Variants in APCDD1L observed in about 807,000 individuals in gnomAD.
APCDD1L encodes the protein APC down-regulated 1 like, also known as protein APCDD1-like.
In APCDD1L, 21 loss-of-function variants were observed where a neutral mutation model predicts 24.2. That is an observed-to-expected ratio of 0.87 (90% confidence interval 0.61 to 1.25). The LOEUF is 1.25. Ranked by LOEUF, APCDD1L falls within the 50% of genes most tolerant of loss-of-function variation. The pLI, the probability that APCDD1L is intolerant of heterozygous loss-of-function variation, is 0.00. For missense variants in APCDD1L, 704 were observed against 711.7 expected (o/e 0.99, Z 0.12); for synonymous variants, 321 against 323.6 (o/e 0.99, Z 0.09).
chr20:58,489,927 A>AAATTACAC (rs1167539420), intron 1 of APCDD1L, among the ~76,000 whole-genome samples: 1 of 152,308 alleles, frequency 6.6e-6, no homozygotes, highest in East Asian at 1.9e-4. Context: ...AATTAACAAT[A>AAATTACAC]AATTACACAT....
intron 1 of APCDD1L, among the ~76,000 whole-genome samples, 184 bp from the exon 2 acceptor site, chr20:58,470,931 C>T (rs1181430422): frequency 6.6e-6 from 1 of 152,136 alleles, no homozygotes; most frequent in Admixed American, 6.5e-5. Flanking sequence ...ATTGAGGATC[C>T]TAGAATCAGC....
intron 1 of APCDD1L, among the ~76,000 whole-genome samples, chr20:58,505,941 C>T (rs971165331): frequency 6.6e-6 from 1 of 152,134 alleles, no homozygotes; most frequent in African/African-American, 2.4e-5. Context: ...CAGGGAATGC[C>T]AAGGACTGCT....
intron 1 of APCDD1L, among the ~76,000 whole-genome samples, chr20:58,513,662 C>A (rs1017354293): frequency 2.0e-5 from 3 of 152,168 alleles, no homozygotes; most frequent in African/African-American, 7.2e-5. Flanking sequence ...GCTGCCATTC[C>A]CTGAACATGA....
intron 1 of APCDD1L, among the ~76,000 whole-genome samples, chr20:58,480,865 A>G (rs1465768168): frequency 6.6e-6 from 1 of 152,222 alleles, no homozygotes; most frequent in Admixed American, 6.5e-5. Context: ...GGAACATCCC[A>G]GCCACAGGCC....
intron 1 of APCDD1L, among the ~76,000 whole-genome samples, chr20:58,502,631 C>G (rs1454888332): frequency 6.7e-6 from 1 of 149,782 alleles, no homozygotes; most frequent in East Asian, 2.0e-4. Flanking sequence ...ACGTTATCTA[C>G]AAACATAGTA....
chr20:58,478,909 AGATT>A (rs1989969109), intron 1 of APCDD1L, among the ~76,000 whole-genome samples: 1 of 151,942 alleles, frequency 6.6e-6, no homozygotes. Context: ...AGGTGAAGGG[AGATT>A]GGTGTGTGAG....
At position 58,460,729 on chromosome 20, in the gene APCDD1L, G is replaced by C; in HGVS notation, c.*61C>G. Reference sequence around the variant, plus strand: ...AATGGTTCCTTCCCTACAGCTGCCAGGAGGGAGTCTGAAGGGTTGAATGGG... The same window carrying C: ...AATGGTTCCTTCCCTACAGCTGCCACGAGGGAGTCTGAAGGGTTGAATGGG... On this transcript the variant is annotated 3_prime_UTR_variant, in exon 4 of 4. Transcript: ENST00000371149. The surrounding 1 kb of genome is among the most constrained non-coding windows in gnomAD (Gnocchi z 4.2). 14 of 1,485,832 alleles carry C rather than the reference G, an allele frequency of 9.4e-6. No individual in the cohort carries two copies. The South Asian group carries it at 2.0e-4, about 21-fold the overall frequency. 92.0% of individuals were successfully genotyped at this position (1,485,832 alleles called of 1,614,324 possible).
At position 58,459,643 on chromosome 20, in the gene APCDD1L, G is replaced by C. The variant is rs1989558061; in HGVS notation, c.*1147C>G. ...CTGGGAACATGGGCAGAGTCCCTGG[G>C]GAGGCACAGCCTGTTCCCACCATGA... On this transcript the variant is annotated 3_prime_UTR_variant, in exon 4 of 4. Transcript: ENST00000371149. 1 of 152,790 alleles carries C rather than the reference G, an allele frequency of 6.5e-6. No homozygotes were observed. The highest frequency in any genetic ancestry group is 2.4e-5 in the African/African-American group (1 of 41,454). The allele number at this position is 152,790 out of a possible 1,614,324, so 9.5% of individuals were successfully genotyped here.
intron 3 of APCDD1L, 122 bp downstream of exon 3, chr20:58,466,984 T>C: frequency 3.2e-6 from 4 of 1,268,622 alleles, no homozygotes; most frequent in Non-Finnish European, 4.2e-6. Flanking sequence ...GGGGCAGTGA[T>C]GACAGCCGGG....
At chr20:58,470,537 T>C (rs1051706275) in intron 2 of APCDD1L, 72 bp downstream of exon 2, 4 of 1,484,292 alleles carry the variant, frequency 2.7e-6, no homozygotes, top group South Asian at 2.7e-5. Flanking sequence ...ATTTCAAAGA[T>C]TGGATGCCGA....
At chr20:58,470,919 A>G (rs1989800618) in intron 1 of APCDD1L, among the ~76,000 whole-genome samples, 172 bp from the exon 2 acceptor site, 2 of 152,038 alleles carry the variant, frequency 1.3e-5, no homozygotes, top group African/African-American at 4.8e-5. Flanking sequence ...TGGGTTCCCC[A>G]TATTGAGGAT....
At chr20:58,492,437 C>T (rs561255012) in intron 1 of APCDD1L, among the ~76,000 whole-genome samples, 3 of 152,252 alleles carry the variant, frequency 2.0e-5, no homozygotes, top group African/African-American at 4.8e-5. Context: ...TATATAGAGA[C>T]GTCAAATGCA....
At position 58,461,659 on chromosome 20, in the gene APCDD1L, G is replaced by A. The variant is rs903069263; in HGVS notation, c.742-105C>T. On this transcript the variant is annotated intron_variant, in intron 3 of 3. Transcript: ENST00000371149. This position sits in a 1 kb window ranked among gnomAD's most constrained non-coding sequence, Gnocchi z 6.0. Reference sequence around the variant, plus strand: ...TGTAGGGGTGTCAAGGCAGGGTGAGGTGCGGCCTGTCCCTCCCTCCTCTCT... The same window carrying A: ...TGTAGGGGTGTCAAGGCAGGGTGAGATGCGGCCTGTCCCTCCCTCCTCTCT... The A allele has an allele frequency of 2.5e-6, 3 of 1,193,434 alleles. No homozygotes were observed. The African/African-American group carries it at 4.6e-5, about 18-fold the overall frequency. The allele number at this position is 1,193,434 out of a possible 1,614,324, so 73.9% of individuals were successfully genotyped here. A position where few individuals can be genotyped will look rare whatever the true frequency, so the allele number is the denominator to read the frequency against.
At position 58,461,236 on chromosome 20, in the gene APCDD1L, C is replaced by G; in HGVS notation, c.1060G>C (p.Glu354Gln). The change falls in exon 4 of 4, where the codon GAG becomes CAG. Residue 354 changes from glutamate to glutamine, a missense_variant. Glu to Gln is a conservative substitution (Grantham distance 29). Transcript: ENST00000371149. The surrounding 1 kb of genome is among the most constrained non-coding windows in gnomAD (Gnocchi z 6.0). Reference sequence around the variant, plus strand: ...GGGGTCACATGGGCCCGTGTGACCTCAAACACCAGCTCGGTGCCGCCGCGG... The same window carrying G: ...GGGGTCACATGGGCCCGTGTGACCTGAAACACCAGCTCGGTGCCGCCGCGG... Reference protein sequence around the residue: ...RVRGGTELVFEVTRAHVTPMD... With the variant: ...RVRGGTELVFQVTRAHVTPMD... 1 of 1,613,568 alleles carries G rather than the reference C, an allele frequency of 6.2e-7. No homozygotes were observed. The highest frequency in any genetic ancestry group is 8.5e-7 in the Non-Finnish European group (1 of 1,179,856).
chr20:58,501,404 C>T (rs1484831012), intron 1 of APCDD1L, among the ~76,000 whole-genome samples: 1 of 152,114 alleles, frequency 6.6e-6, no homozygotes, highest in Non-Finnish European at 1.5e-5. Context: ...GAAATTTGGA[C>T]ACACGGAGAG....
At chr20:58,491,356 A>G (rs1010762754) in intron 1 of APCDD1L, among the ~76,000 whole-genome samples, 4 of 152,196 alleles carry the variant, frequency 2.6e-5, no homozygotes, top group Admixed American at 2.0e-4. Context: ...CTATGTAAAA[A>G]CTCAAAATCT....
In APCDD1L at chr20:58,461,413, C is replaced by G; in HGVS notation, c.883G>C (p.Val295Leu). The part of the protein sequence containing the change: ...VSSGCEVRPA[V>L]LFLTRLFTFH... Reference sequence around the variant, plus strand: ...GTGAAGAGCCGGGTGAGGAACAGGACTGCTGGGCGCACCTCGCACCCCGAG... The same window carrying G: ...GTGAAGAGCCGGGTGAGGAACAGGAGTGCTGGGCGCACCTCGCACCCCGAG... The change falls in exon 4 of 4, where the codon GTC becomes CTC. Residue 295 changes from valine to leucine, a missense_variant. By Grantham distance (32) the Val-to-Leu change is conservative. Transcript: ENST00000371149. This position sits in a 1 kb window ranked among gnomAD's most constrained non-coding sequence, Gnocchi z 6.0. 6.5e-7 allele frequency: 1 copy of G among 1,541,188 alleles called. No individual in the cohort carries two copies. The highest frequency in any genetic ancestry group is 8.8e-7 in the Non-Finnish European group (1 of 1,139,838).
intron 1 of APCDD1L, 108 bp from the exon 2 acceptor site, chr20:58,470,855 C>T (rs771281562): frequency 1.5e-4 from 216 of 1,418,282 alleles, no homozygotes; most frequent in Non-Finnish European, 1.8e-4. Context: ...AGGGCTGTCC[C>T]GCAACCTCCA....
chr20:58,487,654 G>A (rs1295302350), intron 1 of APCDD1L, among the ~76,000 whole-genome samples: 1 of 152,106 alleles, frequency 6.6e-6, no homozygotes, highest in Non-Finnish European at 1.5e-5. Context: ...CTAAGTAAAA[G>A]GAAACTGGGT....
Sources: allele counts gnomAD v4.1 joint callset (sites outside exome capture counted in the v4.1 genomes callset), GRCh38; gene constraint gnomAD v4.1.1; non-coding constraint Gnocchi (gnomAD v3.1); transcripts MANE v1.5; gene names NCBI Gene and HGNC (gene_info 2026-07-23, HGNC 2026-07-21).